Variants in MFN2 observed in about 807,000 individuals in gnomAD.
MFN2 encodes mitofusin 2.
In MFN2, 43 loss-of-function variants were observed where a neutral mutation model predicts 87.5. That is an observed-to-expected ratio of 0.49 (90% CI 0.38 to 0.63). The LOEUF (loss-of-function observed/expected upper bound fraction) is 0.63, where lower values mean the gene tolerates loss of function less well. Ranked by LOEUF, MFN2 falls within the 30% of genes least tolerant of loss-of-function variation. The pLI is 0.00. For synonymous variants in MFN2, 337 were observed against 359.9 expected (o/e 0.94, Z 0.72); for missense variants, 743 against 972.8 (o/e 0.76, Z 3.14).
chr1:11,984,043 C>T (rs1035010242), intron 2 of MFN2, among the ~76,000 whole-genome samples: 12 of 152,164 alleles, frequency 7.9e-5, no homozygotes, highest in South Asian at 2.1e-4. Context: ...GCTCCTGGAC[C>T]GGCTGAACTC....
chr1:11,988,302 A>G (rs1207236091), intron 2 of MFN2, among the ~76,000 whole-genome samples: 1 of 151,042 alleles, frequency 6.6e-6, no homozygotes, highest in Non-Finnish European at 1.5e-5. Flanking sequence ...ACGGGGTTTC[A>G]TCATGTTGGC....
intron 2 of MFN2, among the ~76,000 whole-genome samples, chr1:11,988,082 T>TGTG (rs1557514838): frequency 2.3e-5 from 3 of 127,810 alleles, no homozygotes; most frequent in East Asian, 5.5e-4. Context: ...GACCAATAGT[T>TGTG]TTTGTGTGTG....
At position 12,012,983 on chromosome 1, in the gene MFN2, C is replaced by T; in HGVS notation, c.*1418C>T. Reference sequence around the variant, plus strand: ...GCCTCTGTGCACTGTTTGGTGGCCACATCACAGGTGATGTCCTGTTCACAT... The same window carrying T: ...GCCTCTGTGCACTGTTTGGTGGCCATATCACAGGTGATGTCCTGTTCACAT... On this transcript the variant is annotated 3_prime_UTR_variant, in exon 19 of 19. Coordinates refer to ENST00000235329, the MANE Select transcript of MFN2 (RefSeq NM_014874.4). 1 of 197,860 alleles carries T rather than the reference C, an allele frequency of 5.1e-6. No homozygotes were observed. The highest frequency in any genetic ancestry group is 1.6e-4 in the East Asian group (1 of 6,288). The allele number at this position is 197,860 out of a possible 1,614,324, so 12.3% of individuals were successfully genotyped here.
Position 12,002,232 on chromosome 1 carries a change from C to G in MFN2, c.1160+129C>G, listed in dbSNP as rs190984525. The G allele has an allele frequency of 1.3e-3, 1,937 of 1,471,502 alleles. 4 individuals are homozygous for G. The highest frequency in any genetic ancestry group is 1.5e-3 in the Non-Finnish European group (1,646 of 1,066,388). 91.2% of individuals were successfully genotyped at this position (1,471,502 alleles called of 1,614,324 possible). ...TCTGGGCTCCCATCCAGAGCCCTTT[C>G]CCTGGCCACCAGACCATGTTAGAAC... On this transcript the variant is annotated intron_variant, in intron 11 of 18. Transcript: ENST00000235329.
At chr1:11,990,825 GGGAGGA>G (rs1638643982) in intron 3 of MFN2, among the ~76,000 whole-genome samples, 1 of 152,206 alleles carries the variant, frequency 6.6e-6, no homozygotes, top group Non-Finnish European at 1.5e-5. Flanking sequence ...GCCCATATAA[GGGAGGA>G]ATATTGATGC....
intron 6 of MFN2, 141 bp downstream of exon 6, chr1:11,997,562 C>G: frequency 8.5e-7 from 1 of 1,175,570 alleles, no homozygotes; most frequent in Non-Finnish European, 1.2e-6. Flanking sequence ...CAACCAAATC[C>G]TCTGGCCTCT....
chr1:11,990,552 G>A (rs1005810655), intron 3 of MFN2, among the ~76,000 whole-genome samples: 2 of 152,202 alleles, frequency 1.3e-5, no homozygotes, highest in Admixed American at 6.5e-5. Context: ...AAACACATGC[G>A]TAATGCAGGT....
At chr1:11,999,777 C>T (rs1262023121) in intron 8 of MFN2, among the ~76,000 whole-genome samples, 4 of 151,992 alleles carry the variant, frequency 2.6e-5, no homozygotes, top group South Asian at 2.1e-4. Context: ...CCTTGGGCGA[C>T]GTAGCAAAAC....
At chr1:11,981,620 C>T (rs1645985749) in intron 1 of MFN2, among the ~76,000 whole-genome samples, 1 of 152,252 alleles carries the variant, frequency 6.6e-6, no homozygotes, top group Non-Finnish European at 1.5e-5. Context: ...TTCTGTTCCT[C>T]AATAGTCAGC....
At position 12,011,821 on chromosome 1, in the gene MFN2, G is replaced by A. The variant is rs557772799; in HGVS notation, c.*256G>A. 78 of 563,286 alleles carry A rather than the reference G, an allele frequency of 1.4e-4. No individual in the cohort carries two copies. Among genetic ancestry groups the A allele is most frequent in the Non-Finnish European group, 2.2e-4 (68 of 314,104 alleles). The allele number at this position is 563,286 out of a possible 1,614,324, so 34.9% of individuals were successfully genotyped here. A position where few individuals can be genotyped will look rare whatever the true frequency, so the allele number is the denominator to read the frequency against. On this transcript the variant is annotated 3_prime_UTR_variant, in exon 19 of 19. Coordinates refer to ENST00000235329, the MANE Select transcript of MFN2 (RefSeq NM_014874.4). ...GCTATGGACAGCATGGTACCAAGGA[G>A]TTAAGTTGAGGCTTTTTCCAGCTTT...
At chr1:12,006,945 A>G (rs1639449153) in intron 16 of MFN2, 108 bp from the exon 17 acceptor site, 2 of 1,433,428 alleles carry the variant, frequency 1.4e-6, no homozygotes, top group South Asian at 2.3e-5. Context: ...GAGTAGAAAC[A>G]TGAAGGCTCC....
chr1:11,987,075 C>T (rs1352249022), intron 2 of MFN2, among the ~76,000 whole-genome samples: 4 of 151,932 alleles, frequency 2.6e-5, no homozygotes, highest in East Asian at 1.9e-4. Context: ...TTCGGGAGGC[C>T]GAAGCAGATG....
At chr1:12,009,860 ATG>A in intron 18 of MFN2, 134 bp downstream of exon 18, 1 of 1,317,996 alleles carries the variant, frequency 7.6e-7, no homozygotes, top group Admixed American at 1.9e-5. Context: ...TTCGTGTTAG[ATG>A]TGTACCATGG....
At position 12,010,231 on chromosome 1, in the gene MFN2, C is replaced by T. The variant is rs539595065; in HGVS notation, c.2204+505C>T. Among the ~76,000 whole-genome samples, 501 of 152,310 alleles carry T rather than the reference C, an allele frequency of 3.3e-3. 4 individuals are homozygous for T. Among genetic ancestry groups the T allele is most frequent in the African/African-American group, 0.011 (470 of 41,568 alleles). On this transcript the variant is annotated intron_variant, in intron 18 of 18. Coordinates refer to ENST00000235329, the MANE Select transcript of MFN2 (RefSeq NM_014874.4). Reference sequence around the variant, plus strand: ...GTGCTGGAGGCTCAACAAGACACAGCGTCGCTGCCTTCAAGGCACTTGCAG... The same window carrying T: ...GTGCTGGAGGCTCAACAAGACACAGTGTCGCTGCCTTCAAGGCACTTGCAG...
chr1:12,005,007 A>G, intron 14 of MFN2, 80 bp downstream of exon 14: 1 of 1,111,528 alleles, frequency 9.0e-7, no homozygotes, highest in Non-Finnish European at 1.3e-6. Context: ...TAAAGAAATC[A>G]GGACTTTCCT....
At position 11,992,664 on chromosome 1, in the gene MFN2, G is replaced by A; in HGVS notation, c.285G>A (p.Arg95=). The stretch of plus-strand genomic sequence containing the variant: ...GCATCAGTGAGGTGCTGGCTCGGAG[G>A]CACATGAAAGTGGCTTTTTTTGGCC... ...VRGISEVLAR[R]HMKVAFFGRT... The change falls in exon 4 of 19, where the codon AGG becomes AGA. Residue 95 remains arginine, a synonymous_variant. Coordinates refer to ENST00000235329, the MANE Select transcript of MFN2 (RefSeq NM_014874.4). 1 of 1,614,192 alleles carries A rather than the reference G, an allele frequency of 6.2e-7. No homozygotes were observed. The highest frequency in any genetic ancestry group is 8.5e-7 in the Non-Finnish European group (1 of 1,180,038).
intron 2 of MFN2, among the ~76,000 whole-genome samples, chr1:11,985,065 T>G (rs1638333486): frequency 6.6e-6 from 1 of 152,046 alleles, no homozygotes; most frequent in Non-Finnish European, 1.5e-5. Context: ...GGGGTGGTGG[T>G]GGAGAGGCGG....
At position 12,009,614 on chromosome 1, in the gene MFN2, C is replaced by T; in HGVS notation, c.2092C>T (p.His698Tyr). The T allele has an allele frequency of 2.5e-6, 4 of 1,614,236 alleles. No individual in the cohort carries two copies. Among genetic ancestry groups the T allele is most frequent in the Non-Finnish European group, 3.4e-6 (4 of 1,180,032 alleles). Reference sequence around the variant, plus strand: ...CAGGGAACTGTCTGGGACCTTTGCTCATCTGTGTCAGCAAGTTGACGTCAC... The same window carrying T: ...CAGGGAACTGTCTGGGACCTTTGCTTATCTGTGTCAGCAAGTTGACGTCAC... ...VQQELSGTFA[H>Y]LCQQVDVTRE... The change falls in exon 18 of 19, where the codon CAT (histidine) becomes TAT (tyrosine). Residue 698 changes from histidine to tyrosine, a missense_variant. Around this residue, in one of 3 missense-constraint regions of MFN2, gnomAD observed 571 missense variants for 670.7 expected, o/e 0.85. Coordinates refer to ENST00000235329, the MANE Select transcript of MFN2 (RefSeq NM_014874.4).
chr1:12,001,405 G>A lies in MFN2; in HGVS notation c.821G>A (p.Arg274Gln), dbSNP rs768407445. The A allele has an allele frequency of 1.1e-5, 17 of 1,613,360 alleles. No individual in the cohort carries two copies. The highest frequency in any genetic ancestry group is 1.7e-4 in the Middle Eastern group (1 of 5,850). The change falls in exon 9 of 19, where the codon CGG (arginine) becomes CAG (glutamine). Residue 274 changes from arginine (R) to glutamine (Q), a missense_variant. Physicochemically the swap from Arg to Gln is conservative, Grantham distance 43. Transcript: ENST00000235329. ...ACACATTTGTTTGGGCTCCAGGTGCGGCGGCAGCACATGGAGCGTTGTACC... is the reference window on the plus strand; with the variant it reads ...ACACATTTGTTTGGGCTCCAGGTGCAGCGGCAGCACATGGAGCGTTGTACC... ...ASEPEYMEEV[R>Q]RQHMERCTSF...
Sources: allele counts gnomAD v4.1 joint callset (sites outside exome capture counted in the v4.1 genomes callset), GRCh38; gene constraint gnomAD v4.1.1; regional missense constraint gnomAD v4.1.1; transcripts MANE v1.5; gene names NCBI Gene and HGNC (gene_info 2026-07-23, HGNC 2026-07-21).